The following HDAC9 variants were observed in gnomAD, a reference collection of about 807,000 sequenced individuals.
The protein encoded by HDAC9 is MEF-2 interacting transcription repressor (MITR) protein.
Under a neutral mutation model 139.4 loss-of-function variants are expected in HDAC9, and 41 were observed. The ratio of observed to expected loss-of-function variants is 0.29; its 90% CI spans 0.23 to 0.38. HDAC9 has a LOEUF of 0.38. HDAC9 is among the 10% of genes least tolerant of loss of function. The pLI is 1.00. For missense variants in HDAC9, 1,147 were observed against 1,297.0 expected, an observed-to-expected ratio of 0.88 and a Z score of 1.78; for synonymous variants, 517 against 476.2, an observed-to-expected ratio of 1.09 and a Z score of -1.12.
At chr7:18,315,948 A>G (rs897404255) in intron 1 of HDAC9, among the ~76,000 whole-genome samples, 1 of 152,240 alleles carries the variant, frequency 6.6e-6, no homozygotes, top group Non-Finnish European at 1.5e-5. Flanking sequence ...GAAAGTTACT[A>G]CTGAGTTTTA....
intron 2 of HDAC9, among the ~76,000 whole-genome samples, chr7:18,215,580 A>T (rs1166772285): frequency 6.6e-6 from 1 of 152,162 alleles, no homozygotes; most frequent in Non-Finnish European, 1.5e-5. Context: ...AGTGTTGAGG[A>T]TCTGCAGAAG....
At chr7:18,683,907 T>C (rs1305976858) in intron 12 of HDAC9, among the ~76,000 whole-genome samples, 4 of 152,084 alleles carry the variant, frequency 2.6e-5, no homozygotes, top group Non-Finnish European at 5.9e-5. Context: ...CTAAGAATAC[T>C]TAACTCATGA....
intron 1 of HDAC9, among the ~76,000 whole-genome samples, chr7:18,388,251 A>G (rs950657206): frequency 1.1e-4 from 17 of 152,292 alleles, no homozygotes; most frequent in African/African-American, 3.4e-4. Context: ...TTATGTTCCC[A>G]GTACCCCTGC....
intron 1 of HDAC9, among the ~76,000 whole-genome samples, chr7:18,160,938 G>A (rs1787587595): frequency 6.6e-6 from 1 of 152,064 alleles, no homozygotes; most frequent in Non-Finnish European, 1.5e-5. Context: ...TAAAACTAAT[G>A]TCAGAATGTC....
At chr7:18,463,304 G>A (rs375049737) in intron 1 of HDAC9, among the ~76,000 whole-genome samples, 7 of 152,046 alleles carry the variant, frequency 4.6e-5, no homozygotes, top group Non-Finnish European at 7.4e-5. Flanking sequence ...AGAACGTGGT[G>A]TTATTTCTTC....
intron 2 of HDAC9, among the ~76,000 whole-genome samples, chr7:18,585,050 G>A (rs2073973): frequency 0.39 from 59,575 of 151,930 alleles, 12,935 homozygotes; most frequent in East Asian, 0.51. Flanking sequence ...AAATTGTGGA[G>A]GATTCATGGC....
intron 22 of HDAC9, among the ~76,000 whole-genome samples, chr7:18,924,936 C>T (rs1214154353): frequency 6.6e-6 from 1 of 152,050 alleles, no homozygotes; most frequent in African/African-American, 2.4e-5. Context: ...GGAGTACTGC[C>T]ATGAATTAAT....
chr7:18,525,565 T>C (rs767200676), intron 2 of HDAC9, among the ~76,000 whole-genome samples: 1 of 152,198 alleles, frequency 6.6e-6, no homozygotes, highest in Non-Finnish European at 1.5e-5. Context: ...AATCCATATT[T>C]TTGTAAACTG....
chr7:18,637,307 GT>G (rs1784197961), intron 8 of HDAC9, among the ~76,000 whole-genome samples: 1 of 152,034 alleles, frequency 6.6e-6, no homozygotes, highest in Non-Finnish European at 1.5e-5. Flanking sequence ...TGTGCATATA[GT>G]ATTTAGTACA....
At chr7:18,187,703 C>G (rs889591873) in intron 2 of HDAC9, among the ~76,000 whole-genome samples, 1 of 152,196 alleles carries the variant, frequency 6.6e-6, no homozygotes, top group Non-Finnish European at 1.5e-5. Flanking sequence ...CTAATCCATA[C>G]AGTGTTGCCT....
intron 25 of HDAC9, among the ~76,000 whole-genome samples, chr7:18,978,923 T>C (rs1015481318): frequency 2.0e-5 from 3 of 152,150 alleles, no homozygotes; most frequent in African/African-American, 4.8e-5. Flanking sequence ...CTAGAATGCC[T>C]AACTTGGTGA....
chr7:18,199,780 G>T (rs1045146991), intron 2 of HDAC9, among the ~76,000 whole-genome samples: 3 of 129,050 alleles, frequency 2.3e-5, no homozygotes, highest in African/African-American at 6.2e-5. Flanking sequence ...AAAAAAAAAA[G>T]GCTGTGCTTA....
intron 2 of HDAC9, among the ~76,000 whole-genome samples, chr7:18,244,979 C>A (rs1794423247): frequency 2.7e-5 from 1 of 36,932 alleles, no homozygotes; most frequent in Non-Finnish European, 6.4e-5. Context: ...ATACATCTCT[C>A]TATTATCTAA....
At chr7:18,718,501 A>AG (rs1784883827) in intron 12 of HDAC9, among the ~76,000 whole-genome samples, 1 of 152,080 alleles carries the variant, frequency 6.6e-6, no homozygotes, top group Non-Finnish European at 1.5e-5. Flanking sequence ...CCAAAGTGTT[A>AG]GGATTACAGG....
intron 2 of HDAC9, among the ~76,000 whole-genome samples, chr7:18,199,841 G>A (rs896472618): frequency 5.9e-5 from 9 of 151,706 alleles, no homozygotes; most frequent in Non-Finnish European, 1.0e-4. Flanking sequence ...TGGGAGCGAG[G>A]ATTGCTGGAG....
intron 1 of HDAC9, among the ~76,000 whole-genome samples, chr7:18,100,073 C>T (rs1418524289): frequency 1.3e-5 from 2 of 151,978 alleles, no homozygotes; most frequent in African/African-American, 4.8e-5. Context: ...CTTATTTCAC[C>T]TTATTTTTGT....
chr7:18,122,193 G>A (rs1259446858), intron 1 of HDAC9, among the ~76,000 whole-genome samples: 1 of 152,132 alleles, frequency 6.6e-6, no homozygotes, highest in Non-Finnish European at 1.5e-5. Context: ...GAAAGATTGT[G>A]GTGGAATTGA....
intron 8 of HDAC9, among the ~76,000 whole-genome samples, chr7:18,644,349 TACTA>T (rs1320022232): frequency 3.9e-5 from 6 of 152,118 alleles, no homozygotes; most frequent in African/African-American, 1.4e-4. Context: ...GAAGTAGACA[TACTA>T]ATCAGAATTA....
intron 12 of HDAC9, among the ~76,000 whole-genome samples, chr7:18,693,916 C>G (rs1343994192): frequency 1.3e-5 from 2 of 152,090 alleles, no homozygotes; most frequent in Non-Finnish European, 2.9e-5. Flanking sequence ...TGTTTTTAAA[C>G]ACAGATTTAG....
Sources: gnomAD v4.1 joint callset for allele counts (sites outside exome capture counted in the v4.1 genomes callset) on GRCh38, gnomAD v4.1.1 for gene constraint, MANE v1.5 for transcripts, NCBI Gene and HGNC (gene_info 2026-07-23, HGNC 2026-07-21) for gene names.